The following POLM variants were observed in gnomAD, a reference collection of about 807,000 sequenced individuals.
The protein encoded by POLM is DNA-directed DNA/RNA polymerase mu.
Under a neutral mutation model 56.7 loss-of-function variants are expected in POLM, and 52 were observed. The ratio of observed to expected loss-of-function variants is 0.92; its 90% confidence interval spans 0.73 to 1.15. The LOEUF is 1.15. Among genes scored for constraint, POLM ranks in the 50% most tolerant of loss-of-function variants. The pLI, the probability that POLM is intolerant of heterozygous loss-of-function variation, is 0.00. For synonymous variants in POLM, 273 were observed against 274.3 expected (o/e 1.00, Z 0.05); for missense variants, 660 against 663.6 (o/e 0.99, Z 0.06).
rs972870061 is a variant in POLM, at chr7:44,074,493, CAGG to C, written c.870_872del (p.Leu291del). Reference sequence around the variant, plus strand: ...GCTGCAGGGCATCTACATCGGACCGCAGGACTGGGGTGCTCAGGTCCTGGTGGT... The same window carrying C: ...GCTGCAGGGCATCTACATCGGACCGCACTGGGGTGCTCAGGTCCTGGTGGT... On this transcript the variant is annotated inframe_deletion, in exon 7 of 11. Transcript: ENST00000242248. 6.9e-6 allele frequency: 11 copies of C among 1,598,450 alleles called. No homozygotes were observed. The highest frequency in any genetic ancestry group is 8.5e-6 in the Non-Finnish European group (10 of 1,173,052).
At chr7:44,076,463 G>A in intron 6 of POLM, 46 bp downstream of exon 6, 4 of 1,611,762 alleles carry the variant, frequency 2.5e-6, no homozygotes, top group East Asian at 2.2e-5. Flanking sequence ...GGGATCCAGG[G>A]TGCAGTTTAG....
chr7:44,074,268 C>T (rs761175734), intron 7 of POLM, 35 bp from the exon 8 acceptor site: 47 of 1,548,144 alleles, frequency 3.0e-5, no homozygotes, highest in African/African-American at 1.4e-4. Context: ...CTCAGGGACA[C>T]GGCCTGCTCA....
chr7:44,079,726 G>C lies in POLM; in HGVS notation c.487C>G (p.Leu163Val), dbSNP rs1166453980. The part of the protein sequence containing the change: ...NTGLSEALEI[L>V]AEAAGFEGSE... The stretch of plus-strand genomic sequence containing the variant: ...CCTTCAAAGCCTGCTGCCTCGGCCA[G>C]TATCTCCAGAGCCTCCTGCAGGGAG... Residue 163 changes from leucine to valine, a missense_variant, in exon 4 of 11, where the codon CTG becomes GTG. Coordinates refer to ENST00000242248, the MANE Select transcript of POLM (RefSeq NM_013284.4). 17 of 1,610,370 alleles carry C rather than the reference G, an allele frequency of 1.1e-5. No homozygotes were observed. The South Asian group carries it at 1.8e-4, about 17-fold the overall frequency.
chr7:44,078,476 T>C (rs2096189861), intron 5 of POLM: 1 of 492,006 alleles, frequency 2.0e-6, no homozygotes, highest in Non-Finnish European at 3.7e-6. Flanking sequence ...AAAAACAAAA[T>C]AAAACAAAAA....
In POLM at chr7:44,074,385, C is replaced by T. The variant is rs368381925; in HGVS notation, c.968+13G>A. On this transcript the variant is annotated intron_variant, in intron 7 of 10. Coordinates refer to ENST00000242248, the MANE Select transcript of POLM (RefSeq NM_013284.4). Reference sequence around the variant, plus strand: ...CTGAAGCCAAGCCAGAGGGGCACGTCGGGCCTTCTTACCTGCGGAAGCCGC... The same window carrying T: ...CTGAAGCCAAGCCAGAGGGGCACGTTGGGCCTTCTTACCTGCGGAAGCCGC... 40 of 1,552,854 alleles carry T rather than the reference C, an allele frequency of 2.6e-5. No individual in the cohort carries two copies. The highest frequency in any genetic ancestry group is 2.4e-4 in the East Asian group (10 of 41,182).
rs1189689032 is a variant in POLM at position 44,072,441 on chromosome 7, A to C, written c.*850T>G. 6.6e-6 allele frequency: 1 copy of C among 152,104 alleles called. No homozygotes were observed. The highest frequency in any genetic ancestry group is 6.6e-5 in the Admixed American group (1 of 15,262). 9.4% of individuals were successfully genotyped at this position (152,104 alleles called of 1,614,324 possible). On this transcript the variant is annotated 3_prime_UTR_variant, in exon 11 of 11. Coordinates refer to ENST00000242248, the MANE Select transcript of POLM (RefSeq NM_013284.4). ...CGTGGAGGGCACCCATGTCCAGCCC[A>C]CCTCAGTGCTTCTGCCTCAGTGAGA...
intron 1 of POLM, among the ~76,000 whole-genome samples, chr7:44,081,716 C>G (rs1357622548): frequency 2.0e-5 from 3 of 151,338 alleles, no homozygotes; most frequent in African/African-American, 7.3e-5. Flanking sequence ...GGACATAGCC[C>G]AGGCAGAAGG....
intron 2 of POLM, chr7:44,080,518 G>A (rs1203666502): frequency 1.4e-6 from 1 of 698,876 alleles, no homozygotes; most frequent in African/African-American, 1.7e-5. Context: ...CATCAGTGGT[G>A]AGAACAGAAG....
At chr7:44,077,210 G>A (rs762276433) in intron 5 of POLM, among the ~76,000 whole-genome samples, 36 of 152,382 alleles carry the variant, frequency 2.4e-4, no homozygotes, top group Non-Finnish European at 4.3e-4. Context: ...CACAGTGGCA[G>A]AAGCTGTAGC....
intron 2 of POLM, chr7:44,080,516 G>A (rs911075599): frequency 4.3e-6 from 3 of 698,224 alleles, no homozygotes; most frequent in Admixed American, 2.0e-5. Flanking sequence ...TGCATCAGTG[G>A]TGAGAACAGA....
At chr7:44,075,037 C>T (rs926877359) in intron 6 of POLM, among the ~76,000 whole-genome samples, 3 of 152,160 alleles carry the variant, frequency 2.0e-5, no homozygotes, top group Non-Finnish European at 2.9e-5. Flanking sequence ...GCCTCCCACA[C>T]GCAGTTAAGG....
In POLM at chr7:44,072,607, C is replaced by T. The variant is rs1245826845; in HGVS notation, c.*684G>A. The T allele has an allele frequency of 6.5e-6, 1 of 153,206 alleles. No homozygotes were observed. The highest frequency in any genetic ancestry group is 1.9e-4 in the East Asian group (1 of 5,216). The allele number at this position is 153,206 out of a possible 1,614,324, so 9.5% of individuals were successfully genotyped here. A position where few individuals can be genotyped will look rare whatever the true frequency, so the allele number is the denominator to read the frequency against. Reference sequence around the variant, plus strand: ...CTTAGGGTTTGGAACCATTAAAGGGCTCTGCGACGGGAGTGGCAGGATATG... The same window carrying T: ...CTTAGGGTTTGGAACCATTAAAGGGTTCTGCGACGGGAGTGGCAGGATATG... On this transcript the variant is annotated 3_prime_UTR_variant, in exon 11 of 11. Coordinates refer to ENST00000242248, the MANE Select transcript of POLM (RefSeq NM_013284.4).
Position 44,082,279 on chromosome 7 carries a change from T to C in POLM, c.160A>G (p.Lys54Glu), listed in dbSNP as rs2096202354. ...CAGGCGTCAAGGACGCGGAAGCCTT[T>C]GGAGCGCGCCAGGCCTGTGAGGAAG... ...RAFLTGLARSKGFRVLDACSS... is the reference protein window; with the variant it reads ...RAFLTGLARSEGFRVLDACSS... Residue 54 changes from lysine (K) to glutamate (E), a missense_variant, in exon 1 of 11, where the codon AAA becomes GAA. Physicochemically the swap from Lys to Glu is moderately conservative, Grantham distance 56 (BLOSUM62 1). Transcript: ENST00000242248. 2.0e-6 allele frequency: 3 copies of C among 1,528,852 alleles called. No homozygotes were observed. The East Asian group carries it at 8.1e-5, about 41-fold the overall frequency. 94.7% of individuals were successfully genotyped at this position (1,528,852 alleles called of 1,614,324 possible). A position where few individuals can be genotyped will look rare whatever the true frequency, so the allele number is the denominator to read the frequency against.
In POLM at chr7:44,082,459, G is replaced by T. The variant is rs1160164103; in HGVS notation, c.-21C>A. The stretch of plus-strand genomic sequence containing the variant: ...AGCATTGGGACGACAGCCTCCAGCA[G>T]CGCGGAGCGAACGCAGAGGGAAACT... On this transcript the variant is annotated 5_prime_UTR_variant, in exon 1 of 11. In the 5' UTR this introduces an upstream ATG that the reference lacks. Coordinates refer to ENST00000242248, the MANE Select transcript of POLM (RefSeq NM_013284.4). 1.5e-6 allele frequency: 2 copies of T among 1,356,706 alleles called. No homozygotes were observed. The highest frequency in any genetic ancestry group is 1.9e-6 in the Non-Finnish European group (2 of 1,053,416). 84.0% of individuals were successfully genotyped at this position (1,356,706 alleles called of 1,614,324 possible). A position where few individuals can be genotyped will look rare whatever the true frequency, so the allele number is the denominator to read the frequency against.
intron 2 of POLM, 97 bp from the exon 3 acceptor site, chr7:44,080,056 G>T (rs1478179026): frequency 1.2e-6 from 1 of 853,410 alleles, no homozygotes; most frequent in African/African-American, 1.7e-5. Context: ...TGTCCAACTC[G>T]GGCCCTCTGG....
Position 44,072,951 on chromosome 7 carries a change from A to G in POLM, c.*340T>C. The G allele has an allele frequency of 1.6e-6, 1 of 611,176 alleles. No homozygotes were observed. The highest frequency in any genetic ancestry group is 2.7e-6 in the Non-Finnish European group (1 of 370,180). 37.9% of individuals were successfully genotyped at this position (611,176 alleles called of 1,614,324 possible). A position where few individuals can be genotyped will look rare whatever the true frequency, so the allele number is the denominator to read the frequency against. Reference sequence around the variant, plus strand: ...AATGAGACACTGCACATCAGGGACCACTTGCCATTCATGACTGCAGGCCCC... The same window carrying G: ...AATGAGACACTGCACATCAGGGACCGCTTGCCATTCATGACTGCAGGCCCC... On this transcript the variant is annotated 3_prime_UTR_variant, in exon 11 of 11. Coordinates refer to ENST00000242248, the MANE Select transcript of POLM (RefSeq NM_013284.4).
rs931346679 is a variant in POLM at position 44,074,503 on chromosome 7, G to A, written c.863C>T (p.Thr288Ile). 12 of 1,596,248 alleles carry A rather than the reference G, an allele frequency of 7.5e-6. No homozygotes were observed. The highest frequency in any genetic ancestry group is 9.4e-6 in the Non-Finnish European group (11 of 1,171,474). The change falls in exon 7 of 11, where the codon ACC becomes ATC. Residue 288 changes from threonine to isoleucine, a missense_variant. Physicochemically the swap from Thr to Ile is moderately conservative, Grantham distance 89. Coordinates refer to ENST00000242248, the MANE Select transcript of POLM (RefSeq NM_013284.4). ...AGLQHHQDLSTPVLRSDVDAL... is the reference protein window; with the variant it reads ...AGLQHHQDLSIPVLRSDVDAL... ...ATCTACATCGGACCGCAGGACTGGG[G>A]TGCTCAGGTCCTGGTGGTGCTGGAG...
Position 44,073,139 on chromosome 7 carries a change from C to A in POLM, c.*152G>T. On this transcript the variant is annotated 3_prime_UTR_variant, in exon 11 of 11. Transcript: ENST00000242248. The stretch of plus-strand genomic sequence containing the variant: ...GCACACCAGCAGGGGCTCAACTGAT[C>A]CTGCAGGCACAATTGACCTCCGGAA... The A allele has an allele frequency of 6.6e-7, 1 of 1,514,464 alleles. No homozygotes were observed. Among genetic ancestry groups the A allele is most frequent in the Admixed American group, 2.1e-5 (1 of 48,232 alleles). The allele number at this position is 1,514,464 out of a possible 1,614,324, so 93.8% of individuals were successfully genotyped here.
intron 6 of POLM, among the ~76,000 whole-genome samples, chr7:44,075,531 A>AGGCAGT (rs2096181086): frequency 6.6e-6 from 1 of 152,144 alleles, no homozygotes; most frequent in Non-Finnish European, 1.5e-5. Flanking sequence ...ATGTGCGAAG[A>AGGCAGT]GGCAGTGGAG....
Sources: allele counts gnomAD v4.1 joint callset (sites outside exome capture counted in the v4.1 genomes callset), GRCh38; gene constraint gnomAD v4.1.1; transcripts MANE v1.5; gene names NCBI Gene and HGNC (gene_info 2026-07-23, HGNC 2026-07-21).